Variants in COL4A6 observed in about 807,000 individuals in gnomAD.
The protein encoded by COL4A6 is collagen alpha-6(IV) chain.
In COL4A6, 59 loss-of-function variants were observed where a neutral mutation model predicts 126.7. The ratio of observed to expected loss-of-function variants is 0.47; its 90% confidence interval spans 0.38 to 0.58. The LOEUF (loss-of-function observed/expected upper bound fraction) is 0.58. COL4A6 is among the 20% of genes least tolerant of loss of function. The pLI, the probability that COL4A6 is intolerant of heterozygous loss-of-function variation, is 0.00. For synonymous variants in COL4A6, 547 were observed against 496.6 expected (o/e 1.10, Z -1.35); for missense variants, 1,285 against 1,337.3 (o/e 0.96, Z 0.61).
chrX:108,228,048 T>C (rs181487496), intron 3 of COL4A6, among the ~76,000 whole-genome samples: 1 of 112,410 alleles, frequency 8.9e-6, no homozygotes, highest in African/African-American at 3.2e-5. Flanking sequence ...AGAAAGAGAA[T>C]GGGACTTACC....
At chrX:108,302,582 T>A (rs892704967) in intron 3 of COL4A6, among the ~76,000 whole-genome samples, 2 of 111,274 alleles carry the variant, frequency 1.8e-5, no homozygotes, top group Non-Finnish European at 3.8e-5. Context: ...GCTTGTCCAT[T>A]TTGTGAGGGT....
At chrX:108,341,620 A>G (rs1347698847) in intron 2 of COL4A6, among the ~76,000 whole-genome samples, 1 of 110,953 alleles carries the variant, frequency 9.0e-6, no homozygotes, top group Non-Finnish European at 1.9e-5. Flanking sequence ...CTTTTTCTTT[A>G]TAAATTACTC....
intron 3 of COL4A6, among the ~76,000 whole-genome samples, chrX:108,242,805 TCTCAAA>T (rs2036608929): frequency 9.0e-6 from 1 of 110,959 alleles, no homozygotes; most frequent in Non-Finnish European, 1.9e-5. Flanking sequence ...TCGGTGGCCC[TCTCAAA>T]CTCACCAGTG....
At chrX:108,173,461 G>GGT (rs56782024) in intron 31 of COL4A6, among the ~76,000 whole-genome samples, 8,228 of 100,953 alleles carry the variant, frequency 0.082, 318 homozygotes, top group Middle Eastern at 0.12. Context: ...AATTGCTTCA[G>GGT]GTGTGTGTGT....
chrX:108,355,749 A>T lies in COL4A6; in HGVS notation c.64-44921T>A, dbSNP rs747193756. Among the ~76,000 whole-genome samples, 4 of 112,116 alleles carry T rather than the reference A, an allele frequency of 3.6e-5. No individual in the cohort carries two copies. The South Asian group carries it at 1.1e-3, about 32-fold the overall frequency. On this transcript the variant is annotated intron_variant, in intron 2 of 44. Coordinates refer to ENST00000334504, the MANE Select transcript of COL4A6 (RefSeq NM_033641.4). ...AGCCATGCAAAACTCTTAGGAAAGA[A>T]AGTTATAAATTGAGGGAATAACAAA... is the stretch of plus-strand genomic sequence containing the variant.
intron 19 of COL4A6, 84 bp downstream of exon 19, chrX:108,191,309 A>T: frequency 1.8e-6 from 2 of 1,085,697 alleles, no homozygotes; most frequent in Admixed American, 4.9e-5. Context: ...TTCACCTGTG[A>T]GATGCCCCCT....
Position 108,165,386 on chromosome X carries a change from G to A in COL4A6, c.3792C>T (p.Gly1264=). The stretch of plus-strand genomic sequence containing the variant: ...TGTCTTTACCTCGTTCTCCATCTAG[G>A]CCTGGTCGCCCGGGGTCACCAGGCT... ...AGQPGDPGRP[G]LDGERGRPGP... The change falls in exon 38 of 45, where the codon GGC becomes GGT. Residue 1264 remains glycine, a synonymous_variant. Coordinates refer to ENST00000334504, the MANE Select transcript of COL4A6 (RefSeq NM_033641.4). 8.3e-7 allele frequency: 1 copy of A among 1,208,106 alleles called. No individual in the cohort carries two copies.
At chrX:108,422,885 C>T in intron 2 of COL4A6, among the ~76,000 whole-genome samples, 1 of 111,364 alleles carries the variant, frequency 9.0e-6, no homozygotes, top group Middle Eastern at 4.6e-3. Context: ...TTCCAGTAGT[C>T]CTAGGTTGGG....
chrX:108,293,729 C>A (rs963608433), intron 3 of COL4A6, among the ~76,000 whole-genome samples: 1 of 110,943 alleles, frequency 9.0e-6, no homozygotes, highest in Non-Finnish European at 1.9e-5. Context: ...TTTTTGATGA[C>A]ACCTGGGAAT....
chrX:108,412,602 A>G (rs187117321), intron 2 of COL4A6, among the ~76,000 whole-genome samples: 1 of 111,768 alleles, frequency 8.9e-6, no homozygotes, highest in Non-Finnish European at 1.9e-5. Context: ...GTTCCCACCA[A>G]TTTGACAAAA....
At chrX:108,295,889 T>C (rs1364284237) in intron 3 of COL4A6, among the ~76,000 whole-genome samples, 1 of 112,192 alleles carries the variant, frequency 8.9e-6, no homozygotes, top group East Asian at 2.8e-4. Context: ...GAATATTATA[T>C]AAAAATCTAG....
intron 2 of COL4A6, among the ~76,000 whole-genome samples, chrX:108,348,917 A>T (rs779114477): frequency 1.4e-3 from 160 of 111,943 alleles, no homozygotes; most frequent in African/African-American, 5.0e-3. Flanking sequence ...GTCATTCTCC[A>T]TGAGGACGGA....
chrX:108,405,259 C>T (rs190961640), intron 2 of COL4A6, among the ~76,000 whole-genome samples: 1 of 109,511 alleles, frequency 9.1e-6, no homozygotes, highest in Admixed American at 9.7e-5. Context: ...AATGCAGTGG[C>T]ATGATCTCGG....
At chrX:108,415,839 C>A (rs747483300) in intron 2 of COL4A6, among the ~76,000 whole-genome samples, 2 of 112,197 alleles carry the variant, frequency 1.8e-5, no homozygotes, top group African/African-American at 3.2e-5. Flanking sequence ...GGAGATCTGA[C>A]TATATTGTTC....
chrX:108,395,222 T>G (rs910689896), intron 2 of COL4A6, among the ~76,000 whole-genome samples: 2 of 111,999 alleles, frequency 1.8e-5, no homozygotes, highest in African/African-American at 6.5e-5. Context: ...TATAAAGCTC[T>G]TCATCAAAAG....
At chrX:108,188,698 A>G in intron 20 of COL4A6, 21 bp from the exon 21 acceptor site, 1 of 1,120,919 alleles carries the variant, frequency 8.9e-7, no homozygotes, top group Non-Finnish European at 1.2e-6. Flanking sequence ...AAGACAACAT[A>G]GAACGAAGTG....
chrX:108,294,312 G>T (rs1355642674), intron 3 of COL4A6, among the ~76,000 whole-genome samples: 1 of 110,484 alleles, frequency 9.1e-6, no homozygotes, highest in Non-Finnish European at 1.9e-5. Flanking sequence ...CTAACAAAGG[G>T]TAACAAATTA....
At chrX:108,265,012 G>A (rs2037263159) in intron 3 of COL4A6, among the ~76,000 whole-genome samples, 1 of 111,875 alleles carries the variant, frequency 8.9e-6, no homozygotes, top group Non-Finnish European at 1.9e-5. Flanking sequence ...CAAAATAGGG[G>A]ATTACAATAG....
chrX:108,279,150 C>T (rs1207373540), intron 3 of COL4A6, among the ~76,000 whole-genome samples: 81 of 111,713 alleles, frequency 7.3e-4, no homozygotes, highest in Non-Finnish European at 1.4e-3. Context: ...CAATATTAAC[C>T]TTAAATGTAA....
Sources: allele counts gnomAD v4.1 joint callset (sites outside exome capture counted in the v4.1 genomes callset), GRCh38; gene constraint gnomAD v4.1.1; transcripts MANE v1.5; gene names NCBI Gene and HGNC (gene_info 2026-07-23, HGNC 2026-07-21).